The following ARFGAP1 variants were observed in gnomAD, a reference collection of about 807,000 sequenced individuals.
The protein encoded by ARFGAP1 is ADP-ribosylation factor GTPase-activating protein 1.
ARFGAP1 carries 26 observed loss-of-function variants against 54.0 expected under a neutral mutation model. The observed-to-expected ratio is 0.48, with a 90% confidence interval of 0.35 to 0.67. The LOEUF (loss-of-function observed/expected upper bound fraction) is 0.67, where lower values mean the gene tolerates loss of function less well. Ranked by LOEUF, ARFGAP1 falls within the 30% of genes least tolerant of loss-of-function variation. The probability of loss-of-function intolerance (pLI) is 0.00; values close to 1 mark genes in which losing one functional copy is unlikely to be tolerated. For missense variants in ARFGAP1, 525 were observed against 535.8 expected, an observed-to-expected ratio of 0.98 and a Z score of 0.20; for synonymous variants, 248 against 211.9, an observed-to-expected ratio of 1.17 and a Z score of -1.48.
intron 9 of ARFGAP1, chr20:63,283,284 A>T (rs1315064355): frequency 4.5e-6 from 1 of 223,908 alleles, no homozygotes; most frequent in Non-Finnish European, 8.8e-6. Flanking sequence ...GGCTTCCCCC[A>T]GTCGGGGCAG....
intron 9 of ARFGAP1, chr20:63,283,965 A>C (rs2123289904): frequency 6.3e-7 from 1 of 1,586,940 alleles, no homozygotes; most frequent in African/African-American, 1.3e-5. Context: ...GCGTGCTGCC[A>C]CTGTCTTGTG....
chr20:63,278,195 C>T lies in ARFGAP1; in HGVS notation c.522C>T (p.Ser174=). ...FEDWLNDDLG[S]YQGAQGNRYV... Reference sequence around the variant, plus strand: ...ACTGGCTGAATGATGACCTCGGCTCCTATCAAGGGTAAGGACTTGAGAGCT... The same window carrying T: ...ACTGGCTGAATGATGACCTCGGCTCTTATCAAGGGTAAGGACTTGAGAGCT... The change falls in exon 6 of 13, where the codon TCC becomes TCT. Residue 174 remains serine, a synonymous_variant. Coordinates refer to ENST00000370283, the MANE Select transcript of ARFGAP1 (RefSeq NM_018209.4). The T allele has an allele frequency of 1.9e-6, 3 of 1,613,312 alleles. No individual in the cohort carries two copies. Among genetic ancestry groups the T allele is most frequent in the Non-Finnish European group, 2.5e-6 (3 of 1,179,840 alleles).
chr20:63,287,766 A>G lies in ARFGAP1; in HGVS notation c.1114A>G (p.Thr372Ala), dbSNP rs1197625784. The G allele has an allele frequency of 6.2e-7, 1 of 1,609,046 alleles. No individual in the cohort carries two copies. Among genetic ancestry groups the G allele is most frequent in the Non-Finnish European group, 8.5e-7 (1 of 1,178,514 alleles). ...CTGGGAGGTGTGGGGCTCGGCCTCC[A>G]CCAACAGGAACAGCAACAGCGACGG... ...DSWEVWGSAS[T>A]NRNSNSDGGE... The change falls in exon 13 of 13, where the codon ACC (threonine) becomes GCC (alanine). Residue 372 changes from threonine to alanine, a missense_variant. Transcript: ENST00000370283.
intron 12 of ARFGAP1, among the ~76,000 whole-genome samples, 196 bp downstream of exon 12, chr20:63,286,638 C>T (rs1377222879): frequency 6.6e-6 from 1 of 151,794 alleles, no homozygotes; most frequent in Non-Finnish European, 1.5e-5. Flanking sequence ...GGCATCTTTG[C>T]TGGGGAGGGG....
chr20:63,273,035 T>C (rs2067142839), intron 1 of ARFGAP1, 115 bp downstream of exon 1: 2 of 150,640 alleles, frequency 1.3e-5, no homozygotes, highest in South Asian at 4.2e-4. Flanking sequence ...CGGACCCCGC[T>C]CCACCCTGAG....
chr20:63,275,787 T>A, intron 2 of ARFGAP1, 147 bp downstream of exon 2: 3 of 842,018 alleles, frequency 3.6e-6, no homozygotes, highest in Non-Finnish European at 5.7e-6. Flanking sequence ...TTGTGCTGGC[T>A]GGTGGCCTGG....
At position 63,287,867 on chromosome 20, in the gene ARFGAP1, C is replaced by T; in HGVS notation, c.1215C>T (p.Asn405=). ...CTGATGATGGCTGGGACAACCAGAA[C>T]TGGTAGGGCCCACTGCGCCCCCGTC... ...VPTDDGWDNQ[N]W is the part of the protein sequence containing the mutation. The change falls in exon 13 of 13, where the codon AAC becomes AAT. Residue 405 remains asparagine, a synonymous_variant. Transcript: ENST00000370283. 6.5e-7 allele frequency: 1 copy of T among 1,538,506 alleles called. No homozygotes were observed. Among genetic ancestry groups the T allele is most frequent in the Middle Eastern group, 2.1e-4 (1 of 4,840 alleles).
intron 1 of ARFGAP1, among the ~76,000 whole-genome samples, chr20:63,273,678 T>C (rs1252520297): frequency 1.3e-5 from 2 of 152,180 alleles, no homozygotes; most frequent in African/African-American, 2.4e-5. Flanking sequence ...CTGTATGTTT[T>C]ACAGTTAGAA....
intron 9 of ARFGAP1, chr20:63,284,493 A>C: frequency 9.0e-7 from 1 of 1,111,312 alleles, no homozygotes; most frequent in Non-Finnish European, 1.1e-6. Context: ...CTGCCTGGGG[A>C]GGAAGGAGAG....
At chr20:63,277,344 G>A in intron 5 of ARFGAP1, 39 bp downstream of exon 5, 2 of 1,563,516 alleles carry the variant, frequency 1.3e-6, no homozygotes, top group South Asian at 2.3e-5. Context: ...AGTTTCCACT[G>A]GGTCCTGAAC....
chr20:63,282,938 C>G, intron 9 of ARFGAP1, 87 bp downstream of exon 9: 7 of 1,449,298 alleles, frequency 4.8e-6, no homozygotes, highest in Non-Finnish European at 6.8e-6. Context: ...CTGCCTGGTT[C>G]CCTCTTCTCA....
At position 63,276,810 on chromosome 20, in the gene ARFGAP1, TC is replaced by T; in HGVS notation, c.342+161del. Reference sequence around the variant, plus strand: ...AACTTGCCGCCCTGGAGCAGAGGCTTCCTGCCCAGAGGGGAGGCAAATGGCT... The same window carrying T: ...AACTTGCCGCCCTGGAGCAGAGGCTTCTGCCCAGAGGGGAGGCAAATGGCT... On this transcript the variant is annotated intron_variant, in intron 4 of 12. Transcript: ENST00000370283. This position sits in a 1 kb window ranked among gnomAD's most constrained non-coding sequence, Gnocchi z 5.2. The T allele has an allele frequency of 1.2e-6, 1 of 841,424 alleles. No homozygotes were observed. Among genetic ancestry groups the T allele is most frequent in the Non-Finnish European group, 1.8e-6 (1 of 563,688 alleles). 52.1% of individuals were successfully genotyped at this position (841,424 alleles called of 1,614,324 possible). A position where few individuals can be genotyped will look rare whatever the true frequency, so the allele number is the denominator to read the frequency against.
intron 2 of ARFGAP1, 34 bp downstream of exon 2, chr20:63,275,674 C>T (rs1203942216): frequency 3.1e-6 from 5 of 1,591,248 alleles, no homozygotes; most frequent in African/African-American, 2.7e-5. Context: ...CGCCCTAAGG[C>T]TTGGTCAGGG....
intron 8 of ARFGAP1, 30 bp from the exon 9 acceptor site, chr20:63,282,789 G>C (rs766709166): frequency 1.1e-5 from 17 of 1,613,794 alleles, no homozygotes; most frequent in Non-Finnish European, 1.4e-5. Context: ...TGTTAAGTCT[G>C]TCAAGCCTTG....
In ARFGAP1 at chr20:63,287,736, G is replaced by A; in HGVS notation, c.1084G>A (p.Asp362Asn). 1 of 1,610,988 alleles carries A rather than the reference G, an allele frequency of 6.2e-7. No homozygotes were observed. The change falls in exon 13 of 13, where the codon GAC (aspartate) becomes AAC (asparagine). Residue 362 changes from aspartate (D) to asparagine (N), a missense_variant. Asp to Asn is a conservative substitution (Grantham distance 23). This residue lies in a region of ARFGAP1 where 466 missense variants were observed against 453.6 expected (regional missense o/e 1.03). Coordinates refer to ENST00000370283, the MANE Select transcript of ARFGAP1 (RefSeq NM_018209.4). ...ADTSTERRSS[D>N]SWEVWGSAST... The stretch of plus-strand genomic sequence containing the variant: ...CACCTCCACCGAGAGGAGGAGCTCG[G>A]ACAGCTGGGAGGTGTGGGGCTCGGC...
chr20:63,284,124 C>A (rs2067459910), intron 9 of ARFGAP1: 3 of 1,344,414 alleles, frequency 2.2e-6, no homozygotes, highest in Admixed American at 3.5e-5. Flanking sequence ...AAAAATGAGA[C>A]CCCCATCTCC....
At chr20:63,284,570 G>A (rs1349615147) in intron 9 of ARFGAP1, 1 of 1,285,242 alleles carries the variant, frequency 7.8e-7, no homozygotes, top group Non-Finnish European at 1.0e-6. Context: ...CACAGGGCCT[G>A]TTCCCACCAG....
intron 11 of ARFGAP1, 115 bp downstream of exon 11, chr20:63,285,828 C>A: frequency 1.3e-6 from 2 of 1,501,552 alleles, no homozygotes; most frequent in African/African-American, 1.4e-5. Context: ...TGGCAGTGGC[C>A]GCTGTCCTCT....
chr20:63,276,147 C>T lies in ARFGAP1; in HGVS notation c.117C>T (p.Ile39=). Residue 39 remains isoleucine, a synonymous_variant, in exon 3 of 13, where the codon ATC becomes ATT. Coordinates refer to ENST00000370283, the MANE Select transcript of ARFGAP1 (RefSeq NM_018209.4). This position sits in a 1 kb window ranked among gnomAD's most constrained non-coding sequence, Gnocchi z 5.2. The stretch of plus-strand genomic sequence containing the variant: ...AGTGGGTCAGTGTGACCTACGGCAT[C>T]TGGATCTGCCTGGAGTGCTCGGGGA... ...NPQWVSVTYG[I]WICLECSGRH... 1.9e-6 allele frequency: 3 copies of T among 1,614,086 alleles called. No individual in the cohort carries two copies. The highest frequency in any genetic ancestry group is 1.6e-4 in the Middle Eastern group (1 of 6,062).
Sources: allele counts gnomAD v4.1 joint callset (sites outside exome capture counted in the v4.1 genomes callset), GRCh38; gene constraint gnomAD v4.1.1; regional missense constraint gnomAD v4.1.1; non-coding constraint Gnocchi (gnomAD v3.1); transcripts MANE v1.5; gene names NCBI Gene and HGNC (gene_info 2026-07-23, HGNC 2026-07-21).